The following KLHDC1 variants were observed in gnomAD, a reference collection of about 807,000 sequenced individuals.
The protein encoded by KLHDC1 is kelch domain-containing protein 1.
Under a neutral mutation model 68.3 loss-of-function variants are expected in KLHDC1, and 53 were observed. The ratio of observed to expected loss-of-function variants is 0.78; its 90% confidence interval spans 0.62 to 0.98. The LOEUF is 0.98. Among genes scored for constraint, KLHDC1 ranks in the 50% least tolerant of loss-of-function variants. The probability of loss-of-function intolerance (pLI) is 0.00; values close to 1 mark genes in which losing one functional copy is unlikely to be tolerated. For missense variants in KLHDC1, 470 were observed against 492.3 expected (o/e 0.95, Z 0.43); for synonymous variants, 148 against 159.0 (o/e 0.93, Z 0.52).
At chr14:49,702,801 G>T (rs897717093) in intron 1 of KLHDC1, among the ~76,000 whole-genome samples, 1 of 152,186 alleles carries the variant, frequency 6.6e-6, no homozygotes, top group Admixed American at 6.5e-5. Context: ...AGATGAATCT[G>T]TGCTAGATTT....
At chr14:49,698,499 G>C (rs1411875607) in intron 1 of KLHDC1, among the ~76,000 whole-genome samples, 3 of 150,410 alleles carry the variant, frequency 2.0e-5, no homozygotes, top group African/African-American at 7.3e-5. Context: ...ACCGCGCTCG[G>C]CCTTTGTTTT....
At chr14:49,712,518 T>C (rs1257258749) in intron 4 of KLHDC1, among the ~76,000 whole-genome samples, 1 of 151,624 alleles carries the variant, frequency 6.6e-6, no homozygotes, top group Non-Finnish European at 1.5e-5. Flanking sequence ...TTTTTTTTTT[T>C]TGAGACGGAG....
At chr14:49,699,497 G>A (rs946589633) in intron 1 of KLHDC1, among the ~76,000 whole-genome samples, 8 of 151,828 alleles carry the variant, frequency 5.3e-5, no homozygotes, top group African/African-American at 1.9e-4. Flanking sequence ...TATTCCGATC[G>A]TTCTAAACAA....
chr14:49,751,975 A>T lies in KLHDC1; in HGVS notation c.*203A>T. On this transcript the variant is annotated 3_prime_UTR_variant, in exon 13 of 13. Coordinates refer to ENST00000359332, the MANE Select transcript of KLHDC1 (RefSeq NM_172193.3). ...TTTATATTTGTAAACAAATTTCCTT[A>T]CAAACTGCAGAACAAATATTCTTTC... is the stretch of plus-strand genomic sequence containing the variant. The T allele has an allele frequency of 3.3e-6, 1 of 300,554 alleles. No individual in the cohort carries two copies. Among genetic ancestry groups the T allele is most frequent in the Non-Finnish European group, 6.2e-6 (1 of 162,084 alleles). The allele number at this position is 300,554 out of a possible 1,614,324, so 18.6% of individuals were successfully genotyped here. A position where few individuals can be genotyped will look rare whatever the true frequency, so the allele number is the denominator to read the frequency against.
intron 4 of KLHDC1, 49 bp from the exon 5 acceptor site, chr14:49,723,825 A>G: frequency 9.1e-7 from 1 of 1,101,480 alleles, no homozygotes; most frequent in Non-Finnish European, 1.3e-6. Context: ...TCTATGAACA[A>G]ACTGGAAACA....
At chr14:49,708,270 C>G (rs1888112422) in intron 1 of KLHDC1, 1 of 151,658 alleles carries the variant, frequency 6.6e-6, no homozygotes, top group South Asian at 2.1e-4. Context: ...GGTGGAGTTT[C>G]ACTATGTTGG....
chr14:49,712,334 C>A (rs531832540), intron 4 of KLHDC1, among the ~76,000 whole-genome samples: 14 of 152,246 alleles, frequency 9.2e-5, no homozygotes, highest in Non-Finnish European at 1.9e-4. Context: ...GCTATAGAAT[C>A]CCAATAGTCT....
chr14:49,732,785 T>C lies in KLHDC1; in HGVS notation c.792T>C (p.Cys264=), dbSNP rs1472377274. Residue 264 remains cysteine, a synonymous_variant, in exon 9 of 13, where the codon TGT becomes TGC. Transcript: ENST00000359332. ...TPIADDKLFL[C]GGLSADNIPL... ...TAGCTGATGATAAACTTTTCCTATG[T>C]GGTGGACTAAGTGCAGATAATATCC... 6.9e-6 allele frequency: 11 copies of C among 1,593,978 alleles called. No individual in the cohort carries two copies. The highest frequency in any genetic ancestry group is 9.5e-6 in the Non-Finnish European group (11 of 1,161,818).
intron 6 of KLHDC1, among the ~76,000 whole-genome samples, chr14:49,727,809 C>A: frequency 6.6e-6 from 1 of 152,098 alleles, no homozygotes; most frequent in Non-Finnish European, 1.5e-5. Flanking sequence ...TCAAATAAGC[C>A]TGAAAAGTTT....
intron 9 of KLHDC1, among the ~76,000 whole-genome samples, chr14:49,733,378 A>T (rs967621655): frequency 6.6e-6 from 1 of 150,838 alleles, no homozygotes; most frequent in African/African-American, 2.4e-5. Flanking sequence ...GACCACGAAT[A>T]TTGACTTCTT....
At chr14:49,717,945 G>A (rs569250872) in intron 4 of KLHDC1, among the ~76,000 whole-genome samples, 1 of 151,762 alleles carries the variant, frequency 6.6e-6, no homozygotes, top group East Asian at 2.0e-4. Context: ...GTGCAGTGGT[G>A]CTTTCATGGC....
intron 4 of KLHDC1, among the ~76,000 whole-genome samples, chr14:49,713,809 TATATATATATATATATATATATATATA>T (rs1888274314): frequency 1.1e-4 from 3 of 26,806 alleles, no homozygotes; most frequent in African/African-American, 5.9e-4. Context: ...TATATATATA[TATATATATATATATATATATATATATA>T]TATATATATA....
intron 1 of KLHDC1, among the ~76,000 whole-genome samples, chr14:49,693,522 C>A (rs4600386): frequency 0.95 from 144,438 of 151,548 alleles, 69,233 homozygotes; most frequent in East Asian, 1. Context: ...GGGCCTCTTA[C>A]CACTCTCCGC....
chr14:49,709,117 G>T (rs766686363), intron 1 of KLHDC1, 42 bp from the exon 2 acceptor site: 5 of 844,302 alleles, frequency 5.9e-6, no homozygotes, highest in Non-Finnish European at 9.7e-6. Context: ...ACTGTTTGCT[G>T]TGTAACTGAT....
chr14:49,720,239 G>A (rs1331307359), intron 4 of KLHDC1, among the ~76,000 whole-genome samples: 1 of 152,118 alleles, frequency 6.6e-6, no homozygotes, highest in Admixed American at 6.6e-5. Context: ...GCCTGCCTTG[G>A]CATCCCAAAG....
intron 1 of KLHDC1, among the ~76,000 whole-genome samples, chr14:49,700,667 A>G (rs1887879803): frequency 6.6e-6 from 1 of 152,228 alleles, no homozygotes; most frequent in Admixed American, 6.5e-5. Context: ...ATCAATTTAG[A>G]AAATGTTTGA....
At chr14:49,742,409 C>A (rs1889085779) in intron 11 of KLHDC1, among the ~76,000 whole-genome samples, 1 of 151,576 alleles carries the variant, frequency 6.6e-6, no homozygotes, top group African/African-American at 2.4e-5. Flanking sequence ...GTGGCTCACG[C>A]CTGTAATCCC....
chr14:49,720,554 TC>T (rs750372710), intron 4 of KLHDC1, among the ~76,000 whole-genome samples: 5 of 152,176 alleles, frequency 3.3e-5, no homozygotes, highest in Non-Finnish European at 7.3e-5. Flanking sequence ...GGTGTGTAGT[TC>T]CTTTGTATTT....
chr14:49,723,290 T>G (rs1225078679), intron 4 of KLHDC1, among the ~76,000 whole-genome samples: 1 of 151,842 alleles, frequency 6.6e-6, no homozygotes, highest in Non-Finnish European at 1.5e-5. Flanking sequence ...CCCAGCACTT[T>G]GGGAGGCCAG....
Sources: gnomAD v4.1 joint callset for allele counts (sites outside exome capture counted in the v4.1 genomes callset) on GRCh38, gnomAD v4.1.1 for gene constraint, MANE v1.5 for transcripts, NCBI Gene and HGNC (gene_info 2026-07-23, HGNC 2026-07-21) for gene names.